The following CNR2 variants were observed in gnomAD, a reference collection of about 807,000 sequenced individuals.
CNR2 encodes the protein cannabinoid receptor 2 (macrophage).
For synonymous variants in CNR2, 172 were observed against 182.2 expected (o/e 0.94, Z 0.45); for missense variants, 379 against 439.9 (o/e 0.86, Z 1.24).
At chr1:23,880,681 T>A (rs1639969665) in intron 1 of CNR2, among the ~76,000 whole-genome samples, 1 of 151,898 alleles carries the variant, frequency 6.6e-6, no homozygotes, top group Non-Finnish European at 1.5e-5. Context: ...TTCTCCTGCT[T>A]CAGCTTCCTG....
intron 1 of CNR2, among the ~76,000 whole-genome samples, chr1:23,899,253 G>A (rs1640341183): frequency 1.3e-5 from 2 of 152,114 alleles, no homozygotes; most frequent in African/African-American, 2.4e-5. Context: ...CATATATCTG[G>A]TGCCAGACCC....
At chr1:23,881,286 TGTA>T (rs1008425402) in intron 1 of CNR2, among the ~76,000 whole-genome samples, 1 of 149,086 alleles carries the variant, frequency 6.7e-6, no homozygotes, top group African/African-American at 2.5e-5. Flanking sequence ...AAAAAATATA[TGTA>T]ATAATAATAA....
At chr1:23,906,116 G>A (rs1292830653) in intron 1 of CNR2, among the ~76,000 whole-genome samples, 2 of 12,400 alleles carry the variant, frequency 1.6e-4, no homozygotes, top group Non-Finnish European at 9.5e-3. Context: ...AGTCATAGTT[G>A]TGATTCTGAT....
intron 1 of CNR2, among the ~76,000 whole-genome samples, chr1:23,887,767 T>A (rs1640115079): frequency 6.6e-6 from 1 of 151,952 alleles, no homozygotes; most frequent in Non-Finnish European, 1.5e-5. Context: ...TAGTAAAAAT[T>A]ATAGTAATAG....
At chr1:23,879,118 T>C (rs2502988) in intron 1 of CNR2, among the ~76,000 whole-genome samples, 96,277 of 151,960 alleles carry the variant, frequency 0.63, 30,905 homozygotes, top group African/African-American at 0.75. Flanking sequence ...GAGTAATTTA[T>C]GCCCATCTTT....
intron 1 of CNR2, among the ~76,000 whole-genome samples, chr1:23,895,738 C>T (rs1353619232): frequency 2.0e-5 from 3 of 152,096 alleles, no homozygotes; most frequent in Non-Finnish European, 1.5e-5. Context: ...CTCTTGACCT[C>T]TTGATCCGCC....
intron 1 of CNR2, among the ~76,000 whole-genome samples, chr1:23,897,756 G>A (rs1033627867): frequency 3.3e-5 from 5 of 152,018 alleles, no homozygotes; most frequent in African/African-American, 4.8e-5. Context: ...CACCACGCCC[G>A]CCCTGAAGTA....
chr1:23,886,164 G>A (rs539966830), intron 1 of CNR2, among the ~76,000 whole-genome samples: 1 of 148,302 alleles, frequency 6.7e-6, no homozygotes, highest in South Asian at 2.2e-4. Flanking sequence ...ACTCCAGCCT[G>A]GGTGACAGGG....
intron 1 of CNR2, among the ~76,000 whole-genome samples, chr1:23,896,544 G>A (rs1640288884): frequency 1.3e-5 from 2 of 152,152 alleles, no homozygotes. Context: ...ACTTTCTCAA[G>A]TTCTTTGCTA....
At position 23,908,834 on chromosome 1, in the gene CNR2, G is replaced by A. The variant is rs1424273751; in HGVS notation, c.-46+4412C>T. On this transcript the variant is annotated intron_variant, in intron 1 of 1. Coordinates refer to ENST00000374472, the MANE Select transcript of CNR2 (RefSeq NM_001841.3). Reference sequence around the variant, plus strand: ...AGGACGAACTCAATGAATTTGGGCTGAGGCAACACTGTGAACGCAGCTGTG... The same window carrying A: ...AGGACGAACTCAATGAATTTGGGCTAAGGCAACACTGTGAACGCAGCTGTG... Among the ~76,000 whole-genome samples the A allele has an allele frequency of 2.6e-5, 4 of 152,274 alleles. No homozygotes were observed. The South Asian group carries it at 6.2e-4, about 24-fold the overall frequency.
At chr1:23,883,752 G>A (rs1400017217) in intron 1 of CNR2, among the ~76,000 whole-genome samples, 1 of 152,104 alleles carries the variant, frequency 6.6e-6, no homozygotes, top group African/African-American at 2.4e-5. Flanking sequence ...TTGAACCCGG[G>A]AGGCGGAGGT....
chr1:23,904,169 C>T (rs1199879928), intron 1 of CNR2, among the ~76,000 whole-genome samples: 2 of 150,252 alleles, frequency 1.3e-5, no homozygotes, highest in East Asian at 1.9e-4. Flanking sequence ...TTTTTTTGTT[C>T]GTTTCATTGT....
intron 1 of CNR2, among the ~76,000 whole-genome samples, chr1:23,890,077 C>T (rs1640158316): frequency 6.6e-6 from 1 of 151,888 alleles, no homozygotes; most frequent in South Asian, 2.1e-4. Flanking sequence ...GCCTGGCCAA[C>T]ATGGTAAAAC....
intron 1 of CNR2, among the ~76,000 whole-genome samples, chr1:23,899,021 A>G (rs1165796911): frequency 6.6e-6 from 1 of 152,170 alleles, no homozygotes; most frequent in Non-Finnish European, 1.5e-5. Flanking sequence ...GTATATATTT[A>G]TGGAATACAA....
rs1296632088 is a variant in CNR2, at chr1:23,873,065, C to T, written c.*1470G>A. ...GATATTTTGTCTTGAAAGTATTAAA[C>T]GAAGACATGTTTAACCAATATCTTT... On this transcript the variant is annotated 3_prime_UTR_variant, in exon 2 of 2. Transcript: ENST00000374472. 2 of 152,070 alleles carry T rather than the reference C, an allele frequency of 1.3e-5. No homozygotes were observed. The highest frequency in any genetic ancestry group is 2.4e-5 in the African/African-American group (1 of 41,392). The allele number at this position is 152,070 out of a possible 1,614,324, so 9.4% of individuals were successfully genotyped here.
intron 1 of CNR2, among the ~76,000 whole-genome samples, chr1:23,889,126 T>G: frequency 6.6e-6 from 1 of 152,174 alleles, no homozygotes; most frequent in African/African-American, 2.4e-5. Flanking sequence ...GGCTGCAGCC[T>G]ACAGCCTGGT....
chr1:23,890,881 CTT>C (rs1235444917), intron 1 of CNR2, among the ~76,000 whole-genome samples: 27 of 7,792 alleles, frequency 3.5e-3, no homozygotes, highest in South Asian at 0.019. Context: ...TCTTCTTCTT[CTT>C]TTTTTTTTTT....
At chr1:23,906,690 C>T (rs1640491181) in intron 1 of CNR2, among the ~76,000 whole-genome samples, 2 of 151,600 alleles carry the variant, frequency 1.3e-5, no homozygotes, top group Non-Finnish European at 2.9e-5. Flanking sequence ...CCAATTCATA[C>T]TTCTTAAAAG....
In CNR2 at chr1:23,910,122, ATT is replaced by A. The variant is rs34885370; in HGVS notation, c.-46+3122_-46+3123del. ...TGCCACCATGCCTGGCTAATTTTTA[ATT>A]TTTTTTTTTTTTTTTTTGTAGAGAT... On this transcript the variant is annotated intron_variant, in intron 1 of 1. Coordinates refer to ENST00000374472, the MANE Select transcript of CNR2 (RefSeq NM_001841.3). Among the ~76,000 whole-genome samples the A allele has an allele frequency of 3.8e-3, 455 of 120,290 alleles. 3 individuals carry two copies. Among genetic ancestry groups the A allele is most frequent in the African/African-American group, 0.014 (427 of 30,704 alleles). 78.9% of individuals were successfully genotyped at this position (120,290 alleles called of 152,430 possible).
Sources: allele counts gnomAD v4.1 joint callset (sites outside exome capture counted in the v4.1 genomes callset), GRCh38; gene constraint gnomAD v4.1.1; transcripts MANE v1.5; gene names NCBI Gene and HGNC (gene_info 2026-07-23, HGNC 2026-07-21).